The following DST variants were observed in gnomAD, a reference collection of about 807,000 sequenced individuals.
The protein encoded by DST is dystonin.
A neutral mutation model predicts 875.2 loss-of-function variants in DST; 253 were observed. That is an observed-to-expected ratio of 0.29 (90% confidence interval 0.26 to 0.32). The LOEUF (loss-of-function observed/expected upper bound fraction) is 0.32. Among genes scored for constraint, DST ranks in the 10% least tolerant of loss-of-function variants. The pLI is 1.00. For missense variants in DST, 8,287 were observed against 9,111.6 expected, an observed-to-expected ratio of 0.91 and a Z score of 3.68; for synonymous variants, 3,124 against 3,197.1, an observed-to-expected ratio of 0.98 and a Z score of 0.77.
At chr6:56,528,525 G>A (rs1475378968) in intron 67 of DST, among the ~76,000 whole-genome samples, 2 of 152,088 alleles carry the variant, frequency 1.3e-5, no homozygotes, top group Non-Finnish European at 2.9e-5. Context: ...TACAACCTAC[G>A]TGTTCATCTG....
intron 4 of DST, among the ~76,000 whole-genome samples, chr6:56,845,015 T>C (rs2099805620): frequency 6.6e-6 from 1 of 152,238 alleles, no homozygotes; most frequent in South Asian, 2.1e-4. Context: ...TAAAGTTGTA[T>C]AGTAAATGAA....
chr6:56,521,565 G>A (rs1362250658), intron 69 of DST, among the ~76,000 whole-genome samples: 2 of 89,666 alleles, frequency 2.2e-5, no homozygotes, highest in South Asian at 7.9e-4. Context: ...TCCAAACAAT[G>A]TTTCTTTGAT....
chr6:56,835,195 A>G (rs2099792133), intron 4 of DST, among the ~76,000 whole-genome samples: 1 of 152,212 alleles, frequency 6.6e-6, no homozygotes, highest in South Asian at 2.1e-4. Context: ...GGAGCTGGAG[A>G]GGAACAAATA....
rs770059405 is a variant in DST, at chr6:56,608,617, C to A, written c.6011G>T (p.Arg2004Ile). ...GGLINSNSGQ[R>I]MTVEEAVREG... is the part of the protein sequence containing the mutation. ...TCTGACAGCTTCTTCAACAGTCATT[C>A]TTTGGCCAGAGTTGGAATTGATCAG... The change falls in exon 40 of 104, where the codon AGA becomes ATA. Residue 2004 changes from arginine to isoleucine, a missense_variant. Transcript: ENST00000680361. 15 of 1,613,232 alleles carry A rather than the reference C, an allele frequency of 9.3e-6. No homozygotes were observed. In the South Asian group the frequency reaches 1.1e-4, roughly 12 times the overall value.
rs935580234 is a variant in DST at position 56,536,873 on chromosome 6, C to T, written c.16676G>A (p.Gly5559Asp). The T allele has an allele frequency of 3.1e-6, 5 of 1,613,824 alleles. No homozygotes were observed. In the Admixed American group the frequency reaches 6.7e-5, roughly 22 times the overall value. The change falls in exon 62 of 104, where the codon GGC becomes GAC. Residue 5559 changes from glycine (G) to aspartate (D), a missense_variant. This residue lies in a region of DST where 777 missense variants were observed against 764.8 expected (regional missense o/e 1.02). Coordinates refer to ENST00000680361, the MANE Select transcript of DST (RefSeq NM_001374736.1). The stretch of plus-strand genomic sequence containing the variant: ...GCTTTTGGCAGCACTCTGAATAAGG[C>T]CTTGACCTAACCAGTTTACATCTTG... ...KQQDVNWLGQ[G>D]LIQSAAKSTS...
intron 9 of DST, among the ~76,000 whole-genome samples, chr6:56,674,879 C>T (rs1218983707): frequency 6.6e-6 from 1 of 152,172 alleles, no homozygotes; most frequent in Non-Finnish European, 1.5e-5. Context: ...TCAAAATTCT[C>T]ATGACACTTC....
At chr6:56,482,974 A>C in intron 88 of DST, 97 bp from the exon 89 acceptor site, 1 of 845,628 alleles carries the variant, frequency 1.2e-6, no homozygotes, top group Non-Finnish European at 1.7e-6. Context: ...ACATCATGTA[A>C]AGATATCTAA....
intron 77 of DST, 136 bp from the exon 78 acceptor site, chr6:56,504,234 T>C: frequency 1.6e-6 from 1 of 623,058 alleles, no homozygotes; most frequent in Non-Finnish European, 2.7e-6. Flanking sequence ...AAAATTAACA[T>C]GGTTCACCTA....
intron 4 of DST, among the ~76,000 whole-genome samples, chr6:56,832,517 G>GT (rs1418370041): frequency 3.6e-4 from 55 of 151,670 alleles, no homozygotes; most frequent in African/African-American, 1.2e-3. Context: ...TGTAGGAACT[G>GT]TAAGTCCAAC....
In DST at chr6:56,552,345, T is replaced by C; in HGVS notation, c.16447A>G (p.Arg5483Gly). The C allele has an allele frequency of 6.2e-7, 1 of 1,614,026 alleles. No individual in the cohort carries two copies. Among genetic ancestry groups the C allele is most frequent in the Non-Finnish European group, 8.5e-7 (1 of 1,179,894 alleles). The stretch of plus-strand genomic sequence containing the variant: ...ATTGTCCCTTCAACCTGCTCTTCTC[T>C]GGCTTGGGCTCGGTCCAGTAACTTG... ...CNKLLDRAQA[R>G]EEQVEGTIKR... is the part of the protein sequence containing the mutation. The change falls in exon 61 of 104, where the codon AGA (arginine) becomes GGA (glycine). Residue 5483 changes from arginine (R) to glycine (G), a missense_variant. Coordinates refer to ENST00000680361, the MANE Select transcript of DST (RefSeq NM_001374736.1).
At chr6:56,486,439 T>C (rs2095571353) in intron 87 of DST, among the ~76,000 whole-genome samples, 2 of 144,114 alleles carry the variant, frequency 1.4e-5, no homozygotes, top group Non-Finnish European at 3.2e-5. Context: ...TCCCCAGAAC[T>C]GAATATAATC....
At chr6:56,464,863 T>C in intron 99 of DST, 107 bp from the exon 100 acceptor site, 2 of 771,340 alleles carry the variant, frequency 2.6e-6, no homozygotes, top group East Asian at 2.7e-5. Context: ...ATCTGGCCTT[T>C]AGCACACATT....
At chr6:56,674,079 A>T (rs2099116217) in intron 9 of DST, among the ~76,000 whole-genome samples, 1 of 152,232 alleles carries the variant, frequency 6.6e-6, no homozygotes, top group Non-Finnish European at 1.5e-5. Flanking sequence ...CTGTGTGTTC[A>T]GCAGAACAGC....
chr6:56,778,874 T>C (rs183842184), intron 4 of DST, among the ~76,000 whole-genome samples: 3 of 152,172 alleles, frequency 2.0e-5, no homozygotes, highest in African/African-American at 4.8e-5. Flanking sequence ...AGCAGCATGA[T>C]TTATAATCCT....
intron 4 of DST, among the ~76,000 whole-genome samples, chr6:56,813,841 T>A (rs977951966): frequency 5.3e-5 from 8 of 152,108 alleles, no homozygotes; most frequent in Admixed American, 2.0e-4. Flanking sequence ...TATACTAGAG[T>A]TTCATTATGA....
At chr6:56,611,144 T>A (rs577773444) in intron 38 of DST, among the ~76,000 whole-genome samples, 15 of 152,228 alleles carry the variant, frequency 9.9e-5, no homozygotes, top group African/African-American at 3.6e-4. Context: ...AGGTCTCAGC[T>A]AAGAAAATGA....
In DST at chr6:56,616,252, C is replaced by T. The variant is rs377752084; in HGVS notation, c.4930-1768G>A. The stretch of plus-strand genomic sequence containing the variant: ...TGTCAATTGTTCCCTGCTCTATAGC[C>T]TCATTAATATTGAAGTGTAATCCTG... On this transcript the variant is annotated intron_variant, in intron 36 of 103. Transcript: ENST00000680361. 184 of 1,613,980 alleles carry T rather than the reference C, an allele frequency of 1.1e-4. No individual in the cohort carries two copies. Among genetic ancestry groups the T allele is most frequent in the Non-Finnish European group, 1.4e-4 (161 of 1,180,010 alleles).
intron 5 of DST, 182 bp downstream of exon 5, chr6:56,735,046 T>C (rs1326002630): frequency 1.8e-6 from 1 of 571,064 alleles, no homozygotes; most frequent in East Asian, 3.1e-5. Context: ...TCCACCTCCA[T>C]CATTACCCAC....
intron 9 of DST, among the ~76,000 whole-genome samples, chr6:56,682,476 G>A (rs556768936): frequency 3.4e-4 from 52 of 152,084 alleles, no homozygotes; most frequent in African/African-American, 4.3e-4. Flanking sequence ...TTCTTTTTCC[G>A]TCATTACCTC....
Sources: gnomAD v4.1 joint callset for allele counts (sites outside exome capture counted in the v4.1 genomes callset) on GRCh38, gnomAD v4.1.1 for gene constraint, gnomAD v4.1.1 regional missense constraint, MANE v1.5 for transcripts, NCBI Gene and HGNC (gene_info 2026-07-23, HGNC 2026-07-21) for gene names.